STRA6: variants seen among roughly 807,000 people sequenced by gnomAD.
STRA6 encodes receptor for retinol uptake STRA6.
A neutral mutation model predicts 83.6 loss-of-function variants in STRA6; 48 were observed. The ratio of observed to expected loss-of-function variants is 0.57; its 90% CI spans 0.46 to 0.73. The LOEUF (loss-of-function observed/expected upper bound fraction) is 0.73, where lower values mean the gene tolerates loss of function less well. Ranked by LOEUF, STRA6 falls within the 30% of genes least tolerant of loss-of-function variation. The pLI, the probability that STRA6 is intolerant of heterozygous loss-of-function variation, is 0.00. For missense variants in STRA6, 760 were observed against 838.8 expected (o/e 0.91, Z 1.16); for synonymous variants, 353 against 362.3 (o/e 0.97, Z 0.29).
At chr15:74,197,675 C>T (rs2073882598) in intron 3 of STRA6, 77 bp downstream of exon 3, 1 of 1,564,978 alleles carries the variant, frequency 6.4e-7, no homozygotes, top group South Asian at 1.1e-5. Context: ...CCTTCACCAG[C>T]CCCAGTGGGG....
At chr15:74,189,459 G>A (rs2073423594) in intron 11 of STRA6, among the ~76,000 whole-genome samples, 182 bp from the exon 12 acceptor site, 2 of 152,166 alleles carry the variant, frequency 1.3e-5, no homozygotes, top group South Asian at 4.1e-4. Flanking sequence ...TTACAGACAG[G>A]TGCAATCACA....
chr15:74,195,962 C>G (rs1239704294), intron 5 of STRA6, 46 bp downstream of exon 5: 2 of 1,611,862 alleles, frequency 1.2e-6, no homozygotes, highest in East Asian at 4.5e-5. Context: ...CCCCACCCTA[C>G]CCCATCCCAT....
At chr15:74,208,055 A>G (rs2074303088) in intron 1 of STRA6, 1 of 1,301,226 alleles carries the variant, frequency 7.7e-7, no homozygotes, top group Non-Finnish European at 9.8e-7. Context: ...ATCATAACAT[A>G]AAGGATTTAG....
rs2072883294 is a variant in STRA6, at chr15:74,179,736, G to A, written c.*344C>T. ...GCTGAGGTGGAGCTGGGCTGGAGTG[G>A]TTCCAGAGAAGGCTTCATCGAGGCC... On this transcript the variant is annotated 3_prime_UTR_variant, in exon 19 of 19. Transcript: ENST00000395105. 4.0e-6 allele frequency: 1 copy of A among 253,076 alleles called. No individual in the cohort carries two copies. The highest frequency in any genetic ancestry group is 2.2e-5 in the African/African-American group (1 of 45,524). The allele number at this position is 253,076 out of a possible 1,614,324, so 15.7% of individuals were successfully genotyped here. A position where few individuals can be genotyped will look rare whatever the true frequency, so the allele number is the denominator to read the frequency against.
intron 11 of STRA6, 89 bp from the exon 12 acceptor site, chr15:74,189,366 C>T (rs1023129079): frequency 3.3e-6 from 5 of 1,523,860 alleles, no homozygotes; most frequent in Non-Finnish European, 4.4e-6. Flanking sequence ...TGGCAGCACA[C>T]AGGCCCCAGC....
In STRA6 at chr15:74,179,934, C is replaced by A. The variant is rs2072890788; in HGVS notation, c.*146G>T. The A allele has an allele frequency of 8.9e-7, 1 of 1,121,820 alleles. No individual in the cohort carries two copies. The allele number at this position is 1,121,820 out of a possible 1,614,324, so 69.5% of individuals were successfully genotyped here. On this transcript the variant is annotated 3_prime_UTR_variant, in exon 19 of 19. Coordinates refer to ENST00000395105, the MANE Select transcript of STRA6 (RefSeq NM_022369.4). ...GCCCTCCTGAGGCTCCCAGTGCAGA[C>A]AGACCTCCACCCAACCACAGTGATC...
In STRA6 at chr15:74,201,659, C is replaced by T. The variant is rs184113428; in HGVS notation, c.113+496G>A. Among the ~76,000 whole-genome samples, 112 of 152,302 alleles carry T rather than the reference C, an allele frequency of 7.4e-4. 1 individual carries two copies. Among genetic ancestry groups the T allele is most frequent in the African/African-American group, 2.7e-3 (111 of 41,554 alleles). ...CAAAGACAACAAGGGTGCTTGTTTC[C>T]TCAGTGACTTCTCACCAGGCTTTCT... is the stretch of plus-strand genomic sequence containing the variant. On this transcript the variant is annotated intron_variant, in intron 2 of 18. Coordinates refer to ENST00000395105, the MANE Select transcript of STRA6 (RefSeq NM_022369.4).
chr15:74,193,998 C>T, intron 7 of STRA6, 76 bp from the exon 8 acceptor site: 2 of 1,588,318 alleles, frequency 1.3e-6, no homozygotes. Context: ...GTTGCCCTTC[C>T]CACCTCACAC....
At chr15:74,198,703 A>T (rs1026429145) in intron 2 of STRA6, among the ~76,000 whole-genome samples, 2 of 152,324 alleles carry the variant, frequency 1.3e-5, no homozygotes, top group Admixed American at 1.3e-4. Context: ...AAAGATGCTC[A>T]GCCAAGGGAA....
intron 9 of STRA6, 28 bp downstream of exon 9, chr15:74,191,396 C>A (rs1456496742): frequency 6.2e-7 from 1 of 1,611,838 alleles, no homozygotes; most frequent in Non-Finnish European, 8.5e-7. Context: ...AATCCATTGG[C>A]CCACAAAGGG....
rs935666969 is a variant in STRA6 at position 74,188,804 on chromosome 15, C to T, written c.1090+311G>A. The stretch of plus-strand genomic sequence containing the variant: ...CTCTTCCCTCCTTCCCCACCCTCAG[C>T]TCCCCCATCCCATGGCCTTCCTCAT... On this transcript the variant is annotated intron_variant, in intron 12 of 18. Transcript: ENST00000395105. The surrounding 1 kb of genome is among the most constrained non-coding windows in gnomAD (Gnocchi z 4.5). 6.6e-6 allele frequency among the ~76,000 whole-genome samples: 1 copy of T among 152,202 alleles called. No individual in the cohort carries two copies. Among genetic ancestry groups the T allele is most frequent in the Non-Finnish European group, 1.5e-5 (1 of 68,034 alleles).
chr15:74,189,312 G>T, intron 11 of STRA6, 35 bp from the exon 12 acceptor site: 2 of 1,564,904 alleles, frequency 1.3e-6, no homozygotes, highest in Non-Finnish European at 1.7e-6. Flanking sequence ...CCCATCCCAG[G>T]AAAGGGTTTT....
chr15:74,194,923 C>A, intron 7 of STRA6: 2 of 1,424,254 alleles, frequency 1.4e-6, no homozygotes, highest in Non-Finnish European at 1.8e-6. Context: ...TCCCTGACTT[C>A]GCACTTGCCG....
At chr15:74,201,810 A>G (rs968436266) in intron 2 of STRA6, among the ~76,000 whole-genome samples, 1 of 151,874 alleles carries the variant, frequency 6.6e-6, no homozygotes, top group African/African-American at 2.4e-5. Context: ...GCTTGCCTCA[A>G]CTGCTCTCAG....
intron 6 of STRA6, 47 bp downstream of exon 6, chr15:74,195,605 A>G: frequency 6.4e-7 from 1 of 1,553,378 alleles, no homozygotes; most frequent in Non-Finnish European, 8.7e-7. Context: ...ACTAGGTTCA[A>G]ATCCAGGCTC....
chr15:74,184,856 C>T (rs764701666), intron 13 of STRA6, 124 bp downstream of exon 13: 116 of 951,500 alleles, frequency 1.2e-4, no homozygotes, highest in Non-Finnish European at 1.9e-4. Flanking sequence ...CACAGGTGGG[C>T]TCCATGACAG....
At chr15:74,197,984 C>A in intron 2 of STRA6, 166 bp from the exon 3 acceptor site, 1 of 723,450 alleles carries the variant, frequency 1.4e-6, no homozygotes. Context: ...CAGGGTCATT[C>A]TGGGGCCCTC....
At chr15:74,211,091 G>T (rs1396574226), upstream of STRA6, among the ~76,000 whole-genome samples, 1 of 151,766 alleles carries the variant, frequency 6.6e-6, no homozygotes, top group Non-Finnish European at 1.5e-5. Flanking sequence ...ATGTGCCAGG[G>T]TCAGTGACTG....
At chr15:74,199,842 G>C (rs2073978645) in intron 2 of STRA6, among the ~76,000 whole-genome samples, 1 of 152,240 alleles carries the variant, frequency 6.6e-6, no homozygotes, top group African/African-American at 2.4e-5. Context: ...GCTTGATCCT[G>C]GGACAGGCAC....
Sources: gnomAD v4.1 joint callset for allele counts (sites outside exome capture counted in the v4.1 genomes callset) on GRCh38, gnomAD v4.1.1 for gene constraint, Gnocchi (gnomAD v3.1) non-coding constraint, MANE v1.5 for transcripts, NCBI Gene and HGNC (gene_info 2026-07-23, HGNC 2026-07-21) for gene names.